INPP5D: variants seen among roughly 807,000 people sequenced by gnomAD.
INPP5D encodes inositol polyphosphate-5-phosphatase D.
Under a neutral mutation model 122.9 loss-of-function variants are expected in INPP5D, and 33 were observed. The observed-to-expected ratio is 0.27, with a 90% CI of 0.20 to 0.36. INPP5D has a LOEUF of 0.36. INPP5D is among the 10% of genes least tolerant of loss of function. The probability of loss-of-function intolerance (pLI) is 1.00; values close to 1 mark genes in which losing one functional copy is unlikely to be tolerated. For missense variants in INPP5D, 1,053 were observed against 1,412.7 expected (o/e 0.75, Z 4.08); for synonymous variants, 584 against 576.2 (o/e 1.01, Z -0.19).
chr2:233,132,008 G>T (rs914203446), intron 5 of INPP5D, among the ~76,000 whole-genome samples: 9 of 152,220 alleles, frequency 5.9e-5, no homozygotes, highest in African/African-American at 2.2e-4. Context: ...AAATTGGCCA[G>T]TTGGGCTTAA....
Position 233,177,314 on chromosome 2 carries a change from A to G in INPP5D, c.2039A>G (p.Tyr680Cys). The G allele has an allele frequency of 6.2e-7, 1 of 1,613,940 alleles. No individual in the cohort carries two copies. Among genetic ancestry groups the G allele is most frequent in the Non-Finnish European group, 8.5e-7 (1 of 1,179,862 alleles). Residue 680 changes from tyrosine (Y) to cysteine (C), a missense_variant, in exon 18 of 27, where the codon TAT (tyrosine) becomes TGT (cysteine). This residue lies in a region of INPP5D where 258 missense variants were observed against 439.1 expected (regional missense o/e 0.59). Coordinates refer to ENST00000445964, the MANE Select transcript of INPP5D (RefSeq NM_001017915.3). This position sits in a 1 kb window ranked among gnomAD's most constrained non-coding sequence, Gnocchi z 4.2. ...SWCDRVLWKS[Y>C]PLVHVVCQSY... ...TGTGACCGAGTCCTCTGGAAGTCTT[A>G]TCCCCTGGTGCACGTGGTGTGTCAG...
In INPP5D at chr2:233,125,756, G is replaced by A. The variant is rs755468463; in HGVS notation, c.361G>A (p.Val121Met). Residue 121 changes from valine to methionine, a missense_variant, in exon 4 of 27, where the codon GTG becomes ATG. Coordinates refer to ENST00000445964, the MANE Select transcript of INPP5D (RefSeq NM_001017915.3). ...DPEEDTVESV[V>M]SPPELPPRNI... ...GCTGTTCTCTCCAGTAGAAAGTGTC[G>A]TGTCTCCACCCGAGCTGCCCCCAAG... is the stretch of plus-strand genomic sequence containing the variant. The A allele has an allele frequency of 4.3e-6, 7 of 1,612,908 alleles. No individual in the cohort carries two copies. Among genetic ancestry groups the A allele is most frequent in the African/African-American group, 1.3e-5 (1 of 74,902 alleles).
chr2:233,181,861 C>A (rs117103380), intron 18 of INPP5D, among the ~76,000 whole-genome samples: 2,994 of 152,196 alleles, frequency 0.02, 73 homozygotes, highest in East Asian at 0.12. Context: ...CTTGGGAGGC[C>A]GAGGCGAGTG....
At chr2:233,203,572 A>G (rs1412315060) in intron 25 of INPP5D, among the ~76,000 whole-genome samples, 1 of 152,160 alleles carries the variant, frequency 6.6e-6, no homozygotes, top group African/African-American at 2.4e-5. Context: ...AAATTCACTT[A>G]ACATAAAATT....
chr2:233,204,310 G>GGCATCTTGTCGCCCA lies in INPP5D; in HGVS notation c.3166_3180dup (p.Leu1056_Ile1060dup). ...GGAACCCCCGCCCTGCCCGGAACCC[G>GGCATCTTGTCGCCCA]GCATCTTGTCGCCCAGCATCGTGCT... On this transcript the variant is annotated inframe_insertion, in exon 26 of 27. Transcript: ENST00000445964. 3 of 1,612,096 alleles carry GGCATCTTGTCGCCCA rather than the reference G, an allele frequency of 1.9e-6. No homozygotes were observed. Among genetic ancestry groups the GGCATCTTGTCGCCCA allele is most frequent in the Non-Finnish European group, 2.5e-6 (3 of 1,179,330 alleles).
chr2:233,076,869 G>A (rs1252967501), intron 1 of INPP5D, among the ~76,000 whole-genome samples: 1 of 152,182 alleles, frequency 6.6e-6, no homozygotes, highest in African/African-American at 2.4e-5. Context: ...CAGCCAGTTG[G>A]CAGGGTGTGG....
At chr2:233,117,180 G>C (rs936316043) in intron 2 of INPP5D, among the ~76,000 whole-genome samples, 1 of 152,202 alleles carries the variant, frequency 6.6e-6, no homozygotes, top group African/African-American at 2.4e-5. Flanking sequence ...GAAGGCGGCT[G>C]CTGTGGAATG....
intron 21 of INPP5D, among the ~76,000 whole-genome samples, chr2:233,186,604 C>G (rs1694921354): frequency 6.7e-6 from 1 of 149,616 alleles, no homozygotes; most frequent in South Asian, 2.1e-4. Flanking sequence ...AAGTTCAAGA[C>G]CAGCCTGGGA....
At chr2:233,172,934 G>A (rs894635477) in intron 17 of INPP5D, among the ~76,000 whole-genome samples, 5 of 152,196 alleles carry the variant, frequency 3.3e-5, no homozygotes, top group African/African-American at 1.2e-4. Flanking sequence ...ATGGGCTGGG[G>A]GCAGCGGCTC....
intron 2 of INPP5D, among the ~76,000 whole-genome samples, chr2:233,108,001 C>G (rs1008516983): frequency 1.3e-5 from 2 of 152,160 alleles, no homozygotes; most frequent in African/African-American, 4.8e-5. Flanking sequence ...CCAGTGGCGG[C>G]TGGACCTTGC....
chr2:233,103,702 C>CT (rs61589704), intron 2 of INPP5D, among the ~76,000 whole-genome samples: 9,185 of 116,122 alleles, frequency 0.079, 545 homozygotes, highest in African/African-American at 0.1. Flanking sequence ...AAAAGTAGTT[C>CT]TTTTTTTTTT....
chr2:233,174,910 A>G (rs1694579345), intron 17 of INPP5D, among the ~76,000 whole-genome samples: 1 of 152,088 alleles, frequency 6.6e-6, no homozygotes, highest in Non-Finnish European at 1.5e-5. Context: ...AGAAATTTGT[A>G]TATTTGTTCA....
Position 233,184,841 on chromosome 2 carries a change from C to T in INPP5D, c.2275+320C>T, listed in dbSNP as rs1050852522. On this transcript the variant is annotated intron_variant, in intron 20 of 26. Coordinates refer to ENST00000445964, the MANE Select transcript of INPP5D (RefSeq NM_001017915.3). ...ACTCTAGGTTCCCTGCAAGCTGGGG[C>T]TCTGACTCAACCAGAGAGTGTTGGG... is the stretch of plus-strand genomic sequence containing the variant. Among the ~76,000 whole-genome samples, 8 of 152,152 alleles carry T rather than the reference C, an allele frequency of 5.3e-5. No individual in the cohort carries two copies. In the South Asian group the frequency reaches 1.0e-3, roughly 20 times the overall value.
chr2:233,070,530 C>T (rs959622213), intron 1 of INPP5D, among the ~76,000 whole-genome samples: 2 of 151,942 alleles, frequency 1.3e-5, no homozygotes, highest in African/African-American at 4.8e-5. Flanking sequence ...AAACTTCTGC[C>T]TCCCCAGTTC....
In INPP5D at chr2:233,177,442, G is replaced by A; in HGVS notation, c.2071+96G>A. The A allele has an allele frequency of 6.3e-7, 1 of 1,597,178 alleles. No individual in the cohort carries two copies. The highest frequency in any genetic ancestry group is 1.1e-5 in the South Asian group (1 of 90,038). On this transcript the variant is annotated intron_variant, in intron 18 of 26. Coordinates refer to ENST00000445964, the MANE Select transcript of INPP5D (RefSeq NM_001017915.3). This position sits in a 1 kb window ranked among gnomAD's most constrained non-coding sequence, Gnocchi z 4.2. ...TAAAATCTAAGGGCTTCAGTCTGTTGATGTGTCAAAGGGAGGAATTCACTG... is the reference window on the plus strand; with the variant it reads ...TAAAATCTAAGGGCTTCAGTCTGTTAATGTGTCAAAGGGAGGAATTCACTG...
chr2:233,204,476 C>A lies in INPP5D; in HGVS notation c.3326C>A (p.Pro1109Gln), dbSNP rs767285687. Residue 1109 changes from proline to glutamine, a missense_variant, in exon 26 of 27, where the codon CCG becomes CAG. By Grantham distance (76) the Pro-to-Gln change is moderately conservative (BLOSUM62 -1). Around this residue, in one of 6 missense-constraint regions of INPP5D, gnomAD observed 417 missense variants for 425.8 expected, o/e 0.98. Transcript: ENST00000445964. The stretch of plus-strand genomic sequence containing the variant: ...AAGAGCCAAGGGAAGCCCAAGACCC[C>A]GGTCAGCTCCCAGGCCCCGGTGCCG... Reference protein sequence around the residue: ...GDKSQGKPKTPVSSQAPVPAK... With the variant: ...GDKSQGKPKTQVSSQAPVPAK... 6.3e-7 allele frequency: 1 copy of A among 1,587,630 alleles called. No individual in the cohort carries two copies. The highest frequency in any genetic ancestry group is 2.3e-5 in the East Asian group (1 of 43,300).
chr2:233,167,910 C>T (rs1194656330), intron 13 of INPP5D, among the ~76,000 whole-genome samples: 1 of 141,920 alleles, frequency 7.0e-6, no homozygotes, highest in Admixed American at 7.8e-5. Flanking sequence ...GAGGCAGAGA[C>T]AGGAGAATTG....
chr2:233,069,634 G>A (rs1691323154), intron 1 of INPP5D, among the ~76,000 whole-genome samples: 2 of 152,016 alleles, frequency 1.3e-5, no homozygotes, highest in East Asian at 3.9e-4. Flanking sequence ...GAGATTTCTA[G>A]CAGCATTAGC....
intron 20 of INPP5D, 147 bp downstream of exon 20, chr2:233,184,668 C>T (rs1251274415): frequency 8.3e-7 from 1 of 1,205,304 alleles, no homozygotes; most frequent in Non-Finnish European, 1.1e-6. Flanking sequence ...AGGTGGATGA[C>T]TCAAGGGGAC....
Sources: allele counts gnomAD v4.1 joint callset (sites outside exome capture counted in the v4.1 genomes callset), GRCh38; gene constraint gnomAD v4.1.1; regional missense constraint gnomAD v4.1.1; non-coding constraint Gnocchi (gnomAD v3.1); transcripts MANE v1.5; gene names NCBI Gene and HGNC (gene_info 2026-07-23, HGNC 2026-07-21).